ADCY8: variants seen among roughly 807,000 people sequenced by gnomAD.
ADCY8 encodes the protein adenylate cyclase type 8.
A neutral mutation model predicts 119.7 loss-of-function variants in ADCY8; 51 were observed. The ratio of observed to expected loss-of-function variants is 0.43; its 90% CI spans 0.34 to 0.54. The LOEUF is 0.54. Among genes scored for constraint, ADCY8 ranks in the 20% least tolerant of loss-of-function variants. ADCY8 has a pLI of 0.03. For missense variants in ADCY8, 1,383 were observed against 1,598.8 expected (o/e 0.87, Z 2.30); for synonymous variants, 665 against 651.0 (o/e 1.02, Z -0.33).
chr8:131,019,843 G>GTC (rs71306306), intron 1 of ADCY8, among the ~76,000 whole-genome samples: 15,161 of 86,120 alleles, frequency 0.18, 1,310 homozygotes, highest in African/African-American at 0.25. Context: ...CTCTCTGTCT[G>GTC]TCTCTCTCTC....
rs184828820 is a variant in ADCY8 at position 130,924,118 on chromosome 8, G to A, written c.1481+12955C>T. Reference sequence around the variant, plus strand: ...GGCTACCATGATGACTAAGATAGACGGCTTTGAAGTCAGATGATTCCAGAA... The same window carrying A: ...GGCTACCATGATGACTAAGATAGACAGCTTTGAAGTCAGATGATTCCAGAA... On this transcript the variant is annotated intron_variant, in intron 5 of 17. Transcript: ENST00000286355. 8.4e-3 allele frequency among the ~76,000 whole-genome samples: 1,282 copies of A among 152,264 alleles called. 28 individuals are homozygous for A. The highest frequency in any genetic ancestry group is 0.042 in the Admixed American group (647 of 15,284).
intron 2 of ADCY8, among the ~76,000 whole-genome samples, chr8:130,973,167 A>G (rs996868559): frequency 1.1e-4 from 16 of 152,174 alleles, no homozygotes; most frequent in African/African-American, 3.9e-4. Flanking sequence ...TTTTTTGTCC[A>G]GTTGTATCCT....
At chr8:130,928,935 G>C (rs1820550701) in intron 5 of ADCY8, among the ~76,000 whole-genome samples, 1 of 151,994 alleles carries the variant, frequency 6.6e-6, no homozygotes, top group Admixed American at 6.5e-5. Flanking sequence ...TTTTAGATGA[G>C]AGACTTTGTA....
intron 4 of ADCY8, among the ~76,000 whole-genome samples, chr8:130,940,749 G>A (rs1177969145): frequency 6.6e-6 from 1 of 152,130 alleles, no homozygotes; most frequent in Non-Finnish European, 1.5e-5. Context: ...GTAGGGTGAG[G>A]ATCTTCTTGA....
chr8:130,867,072 T>C (rs1414913010), intron 9 of ADCY8, among the ~76,000 whole-genome samples: 1 of 152,128 alleles, frequency 6.6e-6, no homozygotes, highest in Non-Finnish European at 1.5e-5. Context: ...GGAAAACTCA[T>C]AGTAAGTATA....
In ADCY8 at chr8:130,836,909, T is replaced by C. The variant is rs190915363; in HGVS notation, c.2503-460A>G. 3.3e-5 allele frequency among the ~76,000 whole-genome samples: 5 copies of C among 152,232 alleles called. No homozygotes were observed. The South Asian group carries it at 6.2e-4, about 19-fold the overall frequency. On this transcript the variant is annotated intron_variant, in intron 11 of 17. Transcript: ENST00000286355. The stretch of plus-strand genomic sequence containing the variant: ...CCACCACACCTGGCTAACTTTTCTA[T>C]TTTTAGTAAAGATGGAGTTTCACCA...
intron 6 of ADCY8, among the ~76,000 whole-genome samples, chr8:130,904,673 G>A: frequency 6.6e-6 from 1 of 152,158 alleles, no homozygotes. Flanking sequence ...GTGGACATGT[G>A]CAGGCTGGCA....
In ADCY8 at chr8:130,966,025, G is replaced by A. The variant is rs114004887; in HGVS notation, c.1111-14027C>T. Among the ~76,000 whole-genome samples, 707 of 152,212 alleles carry A rather than the reference G, an allele frequency of 4.6e-3. 6 individuals carry two copies. The highest frequency in any genetic ancestry group is 0.017 in the African/African-American group (686 of 41,514). On this transcript the variant is annotated intron_variant, in intron 2 of 17. Coordinates refer to ENST00000286355, the MANE Select transcript of ADCY8 (RefSeq NM_001115.3). The stretch of plus-strand genomic sequence containing the variant: ...GGCTGTATTTGTCTGGACTCCTTTG[G>A]TCATCAAGATACTCATATTTTCCTC...
In ADCY8 at chr8:130,863,341, TA is replaced by T. The variant is rs1190202937; in HGVS notation, c.2210+4504del. The stretch of plus-strand genomic sequence containing the variant: ...GGTATATTTCTTCATTTCTTTAACT[TA>T]TTTGAGTCTATACCTATAGTGGGCT... On this transcript the variant is annotated intron_variant, in intron 9 of 17. Coordinates refer to ENST00000286355, the MANE Select transcript of ADCY8 (RefSeq NM_001115.3). Among the ~76,000 whole-genome samples, 5 of 152,162 alleles carry T rather than the reference TA, an allele frequency of 3.3e-5. No homozygotes were observed. In the East Asian group the frequency reaches 9.6e-4, roughly 29 times the overall value.
At chr8:130,791,263 G>A (rs1219444573) in intron 15 of ADCY8, among the ~76,000 whole-genome samples, 1 of 152,210 alleles carries the variant, frequency 6.6e-6, no homozygotes. Context: ...GAATGCTGGA[G>A]CAGCATGCCT....
chr8:130,923,201 GGGAA>G (rs1476527858), intron 5 of ADCY8, among the ~76,000 whole-genome samples: 2 of 151,220 alleles, frequency 1.3e-5, no homozygotes, highest in African/African-American at 4.9e-5. Flanking sequence ...AATAAAGAAA[GGGAA>G]AGAGAGAGAG....
At chr8:130,850,245 T>C (rs1018404164) in intron 9 of ADCY8, among the ~76,000 whole-genome samples, 12 of 152,318 alleles carry the variant, frequency 7.9e-5, no homozygotes, top group African/African-American at 2.9e-4. Context: ...TTGCTCAGGT[T>C]GGTTCCTGGT....
In ADCY8 at chr8:131,039,558, G is replaced by T. The variant is rs375219295; in HGVS notation, c.776C>A (p.Ala259Glu). 30 of 1,613,632 alleles carry T rather than the reference G, an allele frequency of 1.9e-5. No individual in the cohort carries two copies. Among genetic ancestry groups the T allele is most frequent in the African/African-American group, 1.2e-4 (9 of 74,934 alleles). The change falls in exon 1 of 18, where the codon GCA becomes GAA. Residue 259 changes from alanine to glutamate, a missense_variant. Transcript: ENST00000286355. Reference protein sequence around the residue: ...TWVAMTTQILAAGLGYGLLGD... With the variant: ...TWVAMTTQILEAGLGYGLLGD... ...CAGGAGCCCGTAGCCGAGGCCTGCT[G>T]CCAGGATCTGGGTGGTCATGGCCAC...
intron 15 of ADCY8, among the ~76,000 whole-genome samples, chr8:130,793,525 C>T (rs1041943642): frequency 7.9e-5 from 12 of 152,142 alleles, no homozygotes; most frequent in African/African-American, 2.9e-4. Context: ...AGAGTATAAG[C>T]TTCATGAGAA....
intron 8 of ADCY8, among the ~76,000 whole-genome samples, chr8:130,873,566 C>T (rs570999960): frequency 2.6e-5 from 4 of 152,270 alleles, no homozygotes; most frequent in South Asian, 4.1e-4. Context: ...GTGATCTGCT[C>T]GCCTCAGCCT....
intron 10 of ADCY8, among the ~76,000 whole-genome samples, chr8:130,848,425 T>A (rs1817402177): frequency 6.6e-6 from 1 of 152,262 alleles, no homozygotes; most frequent in Non-Finnish European, 1.5e-5. Context: ...CTATAAAATA[T>A]TCATTAGATG....
intron 5 of ADCY8, among the ~76,000 whole-genome samples, chr8:130,918,840 C>T (rs940579919): frequency 6.6e-6 from 1 of 152,184 alleles, no homozygotes; most frequent in African/African-American, 2.4e-5. Context: ...GCGGGCAGAT[C>T]GCCTGAGGTC....
At chr8:130,926,863 T>A (rs905867929) in intron 5 of ADCY8, among the ~76,000 whole-genome samples, 1 of 152,118 alleles carries the variant, frequency 6.6e-6, no homozygotes, top group African/African-American at 2.4e-5. Flanking sequence ...TTATATTTTT[T>A]AACATAATGT....
At chr8:130,895,180 A>C (rs1326928322) in intron 7 of ADCY8, among the ~76,000 whole-genome samples, 2 of 152,086 alleles carry the variant, frequency 1.3e-5, no homozygotes, top group East Asian at 1.9e-4. Context: ...ATACATTTCC[A>C]CCTTGACATA....
Sources: gnomAD v4.1 joint callset for allele counts (sites outside exome capture counted in the v4.1 genomes callset) on GRCh38, gnomAD v4.1.1 for gene constraint, MANE v1.5 for transcripts, NCBI Gene and HGNC (gene_info 2026-07-23, HGNC 2026-07-21) for gene names.